POU2F2: variants seen among roughly 807,000 people sequenced by gnomAD.
The protein encoded by POU2F2 is POU domain, class 2, transcription factor 2.
Under a neutral mutation model 63.5 loss-of-function variants are expected in POU2F2, and 14 were observed. The ratio of observed to expected loss-of-function variants is 0.22; its 90% CI spans 0.15 to 0.34. The LOEUF (loss-of-function observed/expected upper bound fraction) is 0.34. POU2F2 is among the 10% of genes least tolerant of loss of function. The pLI is 1.00. For missense variants in POU2F2, 607 were observed against 815.2 expected, an observed-to-expected ratio of 0.74 and a Z score of 3.11; for synonymous variants, 306 against 348.6, an observed-to-expected ratio of 0.88 and a Z score of 1.36.
At chr19:42,171,431 C>CAT (rs1214603539) in intron 1 of POU2F2, among the ~76,000 whole-genome samples, 17 of 138,644 alleles carry the variant, frequency 1.2e-4, no homozygotes, top group Admixed American at 3.6e-4. Context: ...GGCTGCGCTT[C>CAT]GTGTGTGTGT....
chr19:42,182,219 G>A (rs771068292), intron 1 of POU2F2, among the ~76,000 whole-genome samples: 5 of 150,502 alleles, frequency 3.3e-5, no homozygotes, highest in African/African-American at 7.4e-5. Context: ...TGCCCTGGGC[G>A]ATAGAGCAAG....
chr19:42,097,083 C>T (rs1347035560), intron 7 of POU2F2, among the ~76,000 whole-genome samples: 1 of 151,870 alleles, frequency 6.6e-6, no homozygotes, highest in Non-Finnish European at 1.5e-5. Context: ...TCTTCATTGC[C>T]CTAACAATAA....
At position 42,148,579 on chromosome 19, in the gene POU2F2, G is replaced by A. The variant is rs75495088; in HGVS notation, c.-9+11753C>T. 1.8e-4 allele frequency among the ~76,000 whole-genome samples: 27 copies of A among 152,216 alleles called. No homozygotes were observed. The East Asian group carries it at 5.2e-3, about 29-fold the overall frequency. On this transcript the variant is annotated intron_variant, in intron 2 of 6. Transcript: ENST00000524801. ...TGGAGGTGACTGGTCCTAGGTGAAG[G>A]AGAGAGGCTTGGAAAGGACACCCAG...
At chr19:42,101,097 C>T (rs2077124243) in intron 5 of POU2F2, among the ~76,000 whole-genome samples, 1 of 152,146 alleles carries the variant, frequency 6.6e-6, no homozygotes, top group African/African-American at 2.4e-5. Flanking sequence ...CAGAGCAAGA[C>T]TCTGTCTCAA....
At chr19:42,146,319 C>T (rs989482491) in intron 2 of POU2F2, among the ~76,000 whole-genome samples, 1 of 152,220 alleles carries the variant, frequency 6.6e-6, no homozygotes, top group African/African-American at 2.4e-5. Flanking sequence ...CAAACCCTTG[C>T]CCACCCTGTC....
chr19:42,087,913 G>A lies in POU2F2; in HGVS notation c.*3344C>T, dbSNP rs1451479834. 1 of 152,152 alleles carries A rather than the reference G, an allele frequency of 6.6e-6. No individual in the cohort carries two copies. Among genetic ancestry groups the A allele is most frequent in the Non-Finnish European group, 1.5e-5 (1 of 68,080 alleles). The allele number at this position is 152,152 out of a possible 1,614,324, so 9.4% of individuals were successfully genotyped here. On this transcript the variant is annotated 3_prime_UTR_variant, in exon 15 of 15. Transcript: ENST00000692977. Reference sequence around the variant, plus strand: ...GTACAGACCACAAAATAAAAACGATGAGATAGTTTTGTTTCCCGGAGTCGA... The same window carrying A: ...GTACAGACCACAAAATAAAAACGATAAGATAGTTTTGTTTCCCGGAGTCGA...
At chr19:42,120,996 CAG>C (rs1394786231) in intron 4 of POU2F2, among the ~76,000 whole-genome samples, 6 of 152,144 alleles carry the variant, frequency 3.9e-5, no homozygotes, top group Admixed American at 2.0e-4. Flanking sequence ...CCCAGAGAAA[CAG>C]GGCGTACAGG....
At chr19:42,113,228 G>A (rs559629510) in intron 5 of POU2F2, among the ~76,000 whole-genome samples, 28 of 152,212 alleles carry the variant, frequency 1.8e-4, no homozygotes, top group Middle Eastern at 3.4e-3. Flanking sequence ...AACTGTTAAC[G>A]TAAGTTTTCA....
At position 42,090,947 on chromosome 19, in the gene POU2F2, T is replaced by G; in HGVS notation, c.*310A>C. Reference sequence around the variant, plus strand: ...GCTGAGGTCTGGCTCGCGACTGGTTTTTTGGTTTGTTTGATTTTGTGGGTT... The same window carrying G: ...GCTGAGGTCTGGCTCGCGACTGGTTGTTTGGTTTGTTTGATTTTGTGGGTT... On this transcript the variant is annotated 3_prime_UTR_variant, in exon 15 of 15. Coordinates refer to ENST00000692977, the MANE Select transcript of POU2F2 (RefSeq NM_001394376.1). This position sits in a 1 kb window ranked among gnomAD's most constrained non-coding sequence, Gnocchi z 4.4. 4.2e-6 allele frequency: 1 copy of G among 240,498 alleles called. No homozygotes were observed. Among genetic ancestry groups the G allele is most frequent in the Non-Finnish European group, 8.0e-6 (1 of 125,338 alleles). The allele number at this position is 240,498 out of a possible 1,614,324, so 14.9% of individuals were successfully genotyped here.
intron 5 of POU2F2, among the ~76,000 whole-genome samples, chr19:42,102,795 A>G (rs576701843): frequency 7.2e-5 from 11 of 152,296 alleles, no homozygotes; most frequent in Admixed American, 5.9e-4. Context: ...GGTGAAGAGT[A>G]TGTGGGGTTC....
At chr19:42,115,149 CA>C (rs112060109) in intron 5 of POU2F2, among the ~76,000 whole-genome samples, 15 of 145,526 alleles carry the variant, frequency 1.0e-4, no homozygotes, top group Admixed American at 1.4e-4. Flanking sequence ...GACCTCATCT[CA>C]AAAAAAAAAG....
intron 1 of POU2F2, among the ~76,000 whole-genome samples, chr19:42,188,943 G>GGAAGGAAGGAAT (rs1568428790): frequency 2.0e-5 from 3 of 151,044 alleles, no homozygotes; most frequent in African/African-American, 7.3e-5. Flanking sequence ...AAGGAAGGAA[G>GGAAGGAAGGAAT]GAAGGAAGGG....
intron 1 of POU2F2, among the ~76,000 whole-genome samples, chr19:42,195,335 T>C (rs1378262535): frequency 9.1e-5 from 13 of 142,870 alleles, no homozygotes; most frequent in East Asian, 4.0e-4. Flanking sequence ...TTTTTCTTTT[T>C]TTTTTTTTTT....
At chr19:42,110,274 TA>T (rs1298786350) in intron 5 of POU2F2, among the ~76,000 whole-genome samples, 1 of 151,996 alleles carries the variant, frequency 6.6e-6, no homozygotes, top group African/African-American at 2.4e-5. Context: ...ACCTCGTCTC[TA>T]AAAAAATGAA....
intron 2 of POU2F2, 54 bp from the exon 3 acceptor site, chr19:42,122,432 C>A: frequency 6.2e-7 from 1 of 1,610,856 alleles, no homozygotes; most frequent in Non-Finnish European, 8.5e-7. Context: ...CCACACCTGT[C>A]CCCTCCCAGC....
At position 42,099,507 on chromosome 19, in the gene POU2F2, C is replaced by A; in HGVS notation, c.567+20G>T. 6.3e-7 allele frequency: 1 copy of A among 1,584,256 alleles called. No homozygotes were observed. Among genetic ancestry groups the A allele is most frequent in the Non-Finnish European group, 8.7e-7 (1 of 1,152,820 alleles). On this transcript the variant is annotated intron_variant, in intron 7 of 14. Transcript: ENST00000692977. ...GCCTTGCTGCTGGCCTGGCCTGGTG[C>A]ACTCAATGGACAGTCTCACCTGTGT...
Position 42,153,985 on chromosome 19 carries a change from CG to C in POU2F2, c.-9+6346del, listed in dbSNP as rs1198375959. On this transcript the variant is annotated intron_variant, in intron 2 of 6. Transcript: ENST00000524801. The surrounding 1 kb of genome is among the most constrained non-coding windows in gnomAD (Gnocchi z 5.6). Reference sequence around the variant, plus strand: ...TGGGCCCAGGCCCCCGTCCCTCCCCCGGCACCTTGGGCAGGCTGTACCTCTG... The same window carrying C: ...TGGGCCCAGGCCCCCGTCCCTCCCCCGCACCTTGGGCAGGCTGTACCTCTG... Among the ~76,000 whole-genome samples the C allele has an allele frequency of 6.6e-6, 1 of 152,052 alleles. No homozygotes were observed. The highest frequency in any genetic ancestry group is 1.5e-5 in the Non-Finnish European group (1 of 67,992).
chr19:42,158,462 T>C (rs1234692147), intron 2 of POU2F2, among the ~76,000 whole-genome samples: 1 of 152,358 alleles, frequency 6.6e-6, no homozygotes, highest in East Asian at 1.9e-4. Context: ...CTAACTCTAC[T>C]GCTTACATGT....
chr19:42,121,292 C>T (rs2032580124), intron 4 of POU2F2, among the ~76,000 whole-genome samples: 1 of 152,186 alleles, frequency 6.6e-6, no homozygotes, highest in Non-Finnish European at 1.5e-5. Flanking sequence ...GACATCTGCT[C>T]ACAAAGCACT....
Sources: allele counts gnomAD v4.1 joint callset (sites outside exome capture counted in the v4.1 genomes callset), GRCh38; gene constraint gnomAD v4.1.1; non-coding constraint Gnocchi (gnomAD v3.1); transcripts MANE v1.5; gene names NCBI Gene and HGNC (gene_info 2026-07-23, HGNC 2026-07-21).